Variants in LCA5L observed in about 807,000 individuals in gnomAD.
LCA5L encodes lebercilin-like protein.
A neutral mutation model predicts 45.4 loss-of-function variants in LCA5L; 35 were observed. The ratio of observed to expected loss-of-function variants is 0.77; its 90% CI spans 0.59 to 1.02. The LOEUF (loss-of-function observed/expected upper bound fraction) is 1.02. Ranked by LOEUF, LCA5L falls within the 50% of genes least tolerant of loss-of-function variation. The pLI, the probability that LCA5L is intolerant of heterozygous loss-of-function variation, is 0.00. For synonymous variants in LCA5L, 233 were observed against 264.7 expected (o/e 0.88, Z 1.16); for missense variants, 668 against 761.6 (o/e 0.88, Z 1.45).
At chr21:39,419,510 G>T (rs1240164510) in intron 7 of LCA5L, among the ~76,000 whole-genome samples, 2 of 125,076 alleles carry the variant, frequency 1.6e-5, no homozygotes, top group Non-Finnish European at 3.2e-5. Flanking sequence ...GGGCAACAGA[G>T]CAAGACCCTG....
chr21:39,411,732 T>G lies in LCA5L; in HGVS notation c.1046A>C (p.Glu349Ala). 6.5e-7 allele frequency: 1 copy of G among 1,532,052 alleles called. No individual in the cohort carries two copies. The highest frequency in any genetic ancestry group is 1.7e-5 in the Admixed American group (1 of 58,128). The allele number at this position is 1,532,052 out of a possible 1,614,324, so 94.9% of individuals were successfully genotyped here. ...TTAAAACATACCTTTTGGATAGTCC[T>G]CTGTGTCATGTAAATTTTTAAGTAT... is the stretch of plus-strand genomic sequence containing the variant. ...HRILKNLHDT[E>A]DYPKVSSTKS... Residue 349 changes from glutamate to alanine, a missense_variant, in exon 8 of 11, where the codon GAG (glutamate) becomes GCG (alanine). Physicochemically the swap from Glu to Ala is moderately radical, Grantham distance 107. Coordinates refer to ENST00000288350, the MANE Select transcript of LCA5L (RefSeq NM_152505.4).
chr21:39,438,892 G>A (rs1301261484), intron 2 of LCA5L: 1 of 152,172 alleles, frequency 6.6e-6, no homozygotes, highest in Non-Finnish European at 1.5e-5. Context: ...GTAAAATAGA[G>A]TTAAATTCTC....
intron 2 of LCA5L, among the ~76,000 whole-genome samples, chr21:39,437,844 C>T (rs9680443): frequency 0.25 from 37,525 of 151,960 alleles, 5,494 homozygotes; most frequent in African/African-American, 0.41. Context: ...AAGTTTACTA[C>T]GAATAATATG....
At chr21:39,418,184 CAT>C (rs1310700402) in intron 7 of LCA5L, among the ~76,000 whole-genome samples, 2 of 152,188 alleles carry the variant, frequency 1.3e-5, no homozygotes, top group Non-Finnish European at 2.9e-5. Flanking sequence ...CCTCCCCTGA[CAT>C]GTGGGAACTG....
chr21:39,442,961 C>T (rs946555285), intron 2 of LCA5L, among the ~76,000 whole-genome samples: 34 of 152,188 alleles, frequency 2.2e-4, no homozygotes, highest in African/African-American at 8.2e-4. Flanking sequence ...ATTAAGGAGC[C>T]TGGGAGAGGA....
At chr21:39,433,498 CCTTT>C (rs2075967938) in intron 3 of LCA5L, among the ~76,000 whole-genome samples, 1 of 150,922 alleles carries the variant, frequency 6.6e-6, no homozygotes, top group African/African-American at 2.4e-5. Flanking sequence ...AAGATATCCT[CCTTT>C]CTTTCTTCTA....
intron 5 of LCA5L, chr21:39,425,837 G>C (rs1019058574): frequency 6.6e-6 from 1 of 152,274 alleles, no homozygotes; most frequent in African/African-American, 2.4e-5. Flanking sequence ...ATGGGCACTG[G>C]AGGCTTATAT....
intron 7 of LCA5L, among the ~76,000 whole-genome samples, chr21:39,414,734 C>CTGTGTGTGTGTGTGTGTGTGTGTGTG (rs1446676855): frequency 9.7e-6 from 1 of 103,162 alleles, no homozygotes; most frequent in African/African-American, 4.1e-5. Context: ...CTCTCTCTCT[C>CTGTGTGTGTGTGTGTGTGTGTGTGTG]TCTCTCTCTG....
At chr21:39,434,270 G>C (rs187398566) in intron 3 of LCA5L, among the ~76,000 whole-genome samples, 2 of 152,216 alleles carry the variant, frequency 1.3e-5, no homozygotes, top group East Asian at 3.9e-4. Flanking sequence ...CCTGAATGCA[G>C]GTATCAAGTA....
chr21:39,421,101 G>A (rs111299354), intron 6 of LCA5L, among the ~76,000 whole-genome samples: 5 of 125,412 alleles, frequency 4.0e-5, no homozygotes, highest in Admixed American at 1.6e-4. Context: ...TTAACAATTC[G>A]TTTTTTTTTT....
rs144255288 is a variant in LCA5L at position 39,416,098 on chromosome 21, A to T, written c.976-4296T>A. Among the ~76,000 whole-genome samples the T allele has an allele frequency of 4.8e-3, 733 of 152,266 alleles. 2 individuals carry two copies. Among genetic ancestry groups the T allele is most frequent in the Middle Eastern group, 0.01 (3 of 294 alleles). ...TCATTCCTTCTTCATTATTGAGTGG[A>T]ATGCTTTTATAAGGAGGATCTTACC... On this transcript the variant is annotated intron_variant, in intron 7 of 10. Coordinates refer to ENST00000288350, the MANE Select transcript of LCA5L (RefSeq NM_152505.4).
Position 39,428,598 on chromosome 21 carries a change from ATTT to A in LCA5L, c.-10-98_-10-96del, listed in dbSNP as rs550342233. 6.9e-3 allele frequency: 219 copies of A among 31,944 alleles called. 2 individuals are homozygous for A. The highest frequency in any genetic ancestry group is 0.026 in the Middle Eastern group (1 of 38). 2.0% of individuals were successfully genotyped at this position (31,944 alleles called of 1,614,324 possible). On this transcript the variant is annotated intron_variant, in intron 4 of 10. Transcript: ENST00000288350. ...TTATTTTATATATATATATATATATATTTTTTTTTTTTTTTTTTTTTTTTTTTT... is the reference window on the plus strand; with the variant it reads ...TTATTTTATATATATATATATATATATTTTTTTTTTTTTTTTTTTTTTTTT...
chr21:39,440,101 A>G (rs2076679314), intron 2 of LCA5L, among the ~76,000 whole-genome samples: 1 of 152,122 alleles, frequency 6.6e-6, no homozygotes, highest in Admixed American at 6.5e-5. Flanking sequence ...GTGTGCGTGT[A>G]TTTTTCCCCT....
chr21:39,436,808 C>T (rs2076332292), intron 2 of LCA5L, among the ~76,000 whole-genome samples: 1 of 152,146 alleles, frequency 6.6e-6, no homozygotes, highest in African/African-American at 2.4e-5. Flanking sequence ...CTTAACCAGT[C>T]CTGCCTCTTG....
chr21:39,422,980 A>AT lies in LCA5L; in HGVS notation c.832dup (p.Ile278AsnfsTer16), dbSNP rs1198290766. 4 of 1,613,140 alleles carry AT rather than the reference A, an allele frequency of 2.5e-6. No individual in the cohort carries two copies. Among genetic ancestry groups the AT allele is most frequent in the Non-Finnish European group, 2.5e-6 (3 of 1,179,768 alleles). ...CTGGGCCCCTGAAATACAGACCTGTATTTTTTTGTCATTTGCGTCCATTTT... is the reference window on the plus strand; with the variant it reads ...CTGGGCCCCTGAAATACAGACCTGTATTTTTTTTGTCATTTGCGTCCATTTT... On this transcript the variant is annotated frameshift_variant, in exon 6 of 11. Transcript: ENST00000288350. LOFTEE classifies it high-confidence loss of function.
At chr21:39,425,135 G>A (rs2074446710) in intron 5 of LCA5L, among the ~76,000 whole-genome samples, 1 of 152,218 alleles carries the variant, frequency 6.6e-6, no homozygotes, top group African/African-American at 2.4e-5. Context: ...AGGAGAAATT[G>A]AAACTGGATT....
At chr21:39,430,205 T>C (rs536231638) in intron 3 of LCA5L, among the ~76,000 whole-genome samples, 1 of 152,276 alleles carries the variant, frequency 6.6e-6, no homozygotes, top group Admixed American at 6.5e-5. Flanking sequence ...CTCACCTATC[T>C]TGGTAAATCC....
chr21:39,423,467 T>C lies in LCA5L; in HGVS notation c.346A>G (p.Lys116Glu), dbSNP rs749578587. The C allele has an allele frequency of 3.8e-6, 6 of 1,566,480 alleles. No homozygotes were observed. In the Admixed American group the frequency reaches 7.7e-5, roughly 20 times the overall value. ...AGTGATGCATTCCAGGTGTGCTTTTTTTCAACTGATATTTCCTTCTGGCCT... is the reference window on the plus strand; with the variant it reads ...AGTGATGCATTCCAGGTGTGCTTTTCTTCAACTGATATTTCCTTCTGGCCT... Reference protein sequence around the residue: ...SKGQKEISVEKKHTWNASLFN... With the variant: ...SKGQKEISVEEKHTWNASLFN... Residue 116 changes from lysine (K) to glutamate (E), a missense_variant, in exon 6 of 11, where the codon AAA becomes GAA. Transcript: ENST00000288350.
intron 5 of LCA5L, among the ~76,000 whole-genome samples, chr21:39,426,752 T>C (rs1166577299): frequency 6.6e-6 from 1 of 152,238 alleles, no homozygotes; most frequent in East Asian, 1.9e-4. Context: ...TAAGGAATTG[T>C]GTGTTTGTAG....
Sources: allele counts gnomAD v4.1 joint callset (sites outside exome capture counted in the v4.1 genomes callset), GRCh38; gene constraint gnomAD v4.1.1; transcripts MANE v1.5; gene names NCBI Gene and HGNC (gene_info 2026-07-23, HGNC 2026-07-21).